C1orf185: variants seen among roughly 807,000 people sequenced by gnomAD.
C1orf185 encodes chromosome 1 open reading frame 185, also known as uncharacterized protein C1orf185.
Under a neutral mutation model 16.1 loss-of-function variants are expected in C1orf185, and 13 were observed. That is an observed-to-expected ratio of 0.81 (90% CI 0.53 to 1.28). The LOEUF is 1.28. Among genes scored for constraint, C1orf185 ranks in the 50% most tolerant of loss-of-function variants. C1orf185 has a pLI of 0.00. For missense variants in C1orf185, 220 were observed against 225.2 expected, an observed-to-expected ratio of 0.98 and a Z score of 0.15; for synonymous variants, 80 against 76.9, an observed-to-expected ratio of 1.04 and a Z score of -0.21.
intron 1 of C1orf185, among the ~76,000 whole-genome samples, chr1:51,105,775 C>T (rs61782422): frequency 0.064 from 9,709 of 152,106 alleles, 337 homozygotes; most frequent in Middle Eastern, 0.085. Flanking sequence ...AAAATACTAT[C>T]TTTGTATATA....
downstream of C1orf185, among the ~76,000 whole-genome samples, chr1:51,150,195 CT>C (rs758936836): frequency 0.012 from 1,655 of 142,142 alleles, 8 homozygotes; most frequent in Non-Finnish European, 0.017. Context: ...GAATGTCTTT[CT>C]TTTTTTTTTT....
At chr1:51,114,263 T>C (rs1446956989) in intron 2 of C1orf185, among the ~76,000 whole-genome samples, 2 of 152,116 alleles carry the variant, frequency 1.3e-5, no homozygotes, top group East Asian at 3.9e-4. Flanking sequence ...GAACACGGAG[T>C]TGGATTTTAT....
chr1:51,122,365 A>C (rs949159247), intron 3 of C1orf185, among the ~76,000 whole-genome samples: 40 of 152,264 alleles, frequency 2.6e-4, no homozygotes, highest in African/African-American at 9.4e-4. Context: ...TATCTTCAAC[A>C]ATCTTGGCAT....
At chr1:51,112,800 A>G (rs1646130906) in intron 2 of C1orf185, among the ~76,000 whole-genome samples, 1 of 151,282 alleles carries the variant, frequency 6.6e-6, no homozygotes, top group Non-Finnish European at 1.5e-5. Context: ...AAGGATAACA[A>G]GACCTACTTT....
chr1:51,144,405 G>C (rs1214680696), intron 3 of C1orf185, among the ~76,000 whole-genome samples: 1 of 152,222 alleles, frequency 6.6e-6, no homozygotes, highest in African/African-American at 2.4e-5. Flanking sequence ...AAAGGTGAAA[G>C]TGACAAAGAA....
At chr1:51,136,039 A>C (rs1397253437) in intron 3 of C1orf185, among the ~76,000 whole-genome samples, 2 of 152,228 alleles carry the variant, frequency 1.3e-5, no homozygotes, top group South Asian at 2.1e-4. Flanking sequence ...CCAAATCATG[A>C]ATGCAATCCC....
chr1:51,120,765 T>A (rs1197562687), intron 3 of C1orf185, among the ~76,000 whole-genome samples: 1 of 152,158 alleles, frequency 6.6e-6, no homozygotes, highest in Non-Finnish European at 1.5e-5. Flanking sequence ...ATTACAAAAG[T>A]GTCATGAGTG....
chr1:51,144,437 GTGC>G (rs1156374636), intron 3 of C1orf185, among the ~76,000 whole-genome samples: 1 of 152,190 alleles, frequency 6.6e-6, no homozygotes, highest in Non-Finnish European at 1.5e-5. Flanking sequence ...TTTGTAAAAA[GTGC>G]TGGTTGGGTG....
chr1:51,127,774 T>C (rs1646252277), intron 3 of C1orf185, among the ~76,000 whole-genome samples: 1 of 152,148 alleles, frequency 6.6e-6, no homozygotes, highest in Non-Finnish European at 1.5e-5. Context: ...TTTTATGCAT[T>C]CTCTTGTTGA....
At chr1:51,144,239 A>G (rs1223139590) in intron 3 of C1orf185, among the ~76,000 whole-genome samples, 1 of 152,204 alleles carries the variant, frequency 6.6e-6, no homozygotes, top group East Asian at 1.9e-4. Context: ...CTTCCGAGTC[A>G]GAATCTGCAT....
chr1:51,137,858 A>C (rs1458410559), intron 3 of C1orf185, among the ~76,000 whole-genome samples: 1 of 152,232 alleles, frequency 6.6e-6, no homozygotes, highest in African/African-American at 2.4e-5. Flanking sequence ...ACATTATGGA[A>C]TACTATGCAG....
intron 3 of C1orf185, among the ~76,000 whole-genome samples, chr1:51,145,307 AAATAAT>A (rs111332471): frequency 8.6e-5 from 13 of 150,526 alleles, no homozygotes; most frequent in East Asian, 1.9e-4. Flanking sequence ...CCTGTCTCTA[AAATAAT>A]AATAATAATA....
chr1:51,152,049 A>G (rs992649445), downstream of C1orf185, among the ~76,000 whole-genome samples: 1 of 152,048 alleles, frequency 6.6e-6, no homozygotes, highest in Non-Finnish European at 1.5e-5. Flanking sequence ...GTTACAACTG[A>G]ACTGGGTCAA....
intron 2 of C1orf185, among the ~76,000 whole-genome samples, chr1:51,117,129 CCACTAT>C: frequency 6.6e-6 from 1 of 152,256 alleles, no homozygotes; most frequent in South Asian, 2.1e-4. Flanking sequence ...TTTCCTCCTA[CCACTAT>C]ATATACAACA....
chr1:51,147,821 G>A lies in C1orf185; in HGVS notation c.*50G>A. On this transcript the variant is annotated 3_prime_UTR_variant, in exon 5 of 5. Coordinates refer to ENST00000371759, the MANE Select transcript of C1orf185 (RefSeq NM_001136508.2). Reference sequence around the variant, plus strand: ...GGGAAAATGTTCATGAAGAAACACAGAGGTTGAAATATAAAACCTTCAACA... The same window carrying A: ...GGGAAAATGTTCATGAAGAAACACAAAGGTTGAAATATAAAACCTTCAACA... The A allele has an allele frequency of 7.1e-7, 1 of 1,398,624 alleles. No individual in the cohort carries two copies. The highest frequency in any genetic ancestry group is 1.5e-5 in the African/African-American group (1 of 68,692). The allele number at this position is 1,398,624 out of a possible 1,614,324, so 86.6% of individuals were successfully genotyped here.
chr1:51,109,836 CT>C (rs910134826), intron 1 of C1orf185, among the ~76,000 whole-genome samples: 2 of 151,518 alleles, frequency 1.3e-5, no homozygotes, highest in African/African-American at 2.4e-5. Flanking sequence ...ATACCTCCAA[CT>C]TTTTTTTTCC....
chr1:51,144,195 T>C (rs1388777875), intron 3 of C1orf185, among the ~76,000 whole-genome samples: 1 of 152,164 alleles, frequency 6.6e-6, no homozygotes, highest in Non-Finnish European at 1.5e-5. Context: ...GGCGAGCCTA[T>C]TAGAAATGCA....
chr1:51,110,894 AGGAGTC>A (rs1264145583), intron 1 of C1orf185, among the ~76,000 whole-genome samples: 1 of 149,382 alleles, frequency 6.7e-6, no homozygotes, highest in Non-Finnish European at 1.5e-5. Flanking sequence ...GCTTGAACCC[AGGAGTC>A]GGAGGTTGCA....
At chr1:51,110,470 G>T (rs538309608) in intron 1 of C1orf185, among the ~76,000 whole-genome samples, 84 of 152,126 alleles carry the variant, frequency 5.5e-4, no homozygotes, top group African/African-American at 1.9e-3. Flanking sequence ...ACTAAGATTT[G>T]ACAGGCACTA....
Sources: gnomAD v4.1 joint callset for allele counts (sites outside exome capture counted in the v4.1 genomes callset) on GRCh38, gnomAD v4.1.1 for gene constraint, MANE v1.5 for transcripts, NCBI Gene and HGNC (gene_info 2026-07-23, HGNC 2026-07-21) for gene names.